The following ALDH1L1 variants were observed in gnomAD, a reference collection of about 807,000 sequenced individuals.
ALDH1L1 encodes the protein aldehyde dehydrogenase 1 family member L1.
Under a neutral mutation model 101.1 loss-of-function variants are expected in ALDH1L1, and 68 were observed. That is an observed-to-expected ratio of 0.67 (90% CI 0.55 to 0.82). The LOEUF is 0.82. Ranked by LOEUF, ALDH1L1 falls within the 40% of genes least tolerant of loss-of-function variation. The pLI, the probability that ALDH1L1 is intolerant of heterozygous loss-of-function variation, is 0.00. For synonymous variants in ALDH1L1, 486 were observed against 470.8 expected, an observed-to-expected ratio of 1.03 and a Z score of -0.42; for missense variants, 1,087 against 1,172.7, an observed-to-expected ratio of 0.93 and a Z score of 1.07.
At position 126,136,832 on chromosome 3, in the gene ALDH1L1, T is replaced by C. The variant is rs777835382; in HGVS notation, c.1276A>G (p.Ile426Val). Residue 426 changes from isoleucine to valine, a missense_variant, in exon 11 of 23, where the codon ATT (isoleucine) becomes GTT (valine). Ile to Val is a conservative substitution (Grantham distance 29). This residue lies in a region of ALDH1L1 where 645 missense variants were observed against 637.0 expected (regional missense o/e 1.01). Transcript: ENST00000393434. ...RTVRMPHQLF[I>V]GGEFVDAEGA... ...TCGGCATCCACGAACTCCCCCCCAA[T>C]GAAGAGCTGGTGGGGCATGCGGACA... 4 of 1,611,354 alleles carry C rather than the reference T, an allele frequency of 2.5e-6. No homozygotes were observed. The highest frequency in any genetic ancestry group is 3.4e-6 in the Non-Finnish European group (4 of 1,178,938).
Position 126,160,964 on chromosome 3 carries a change from T to C in ALDH1L1, c.16A>G (p.Ile6Val). MKIAV[I>V]GQSLFGQEVY... ...TCCTGGCCAAACAGGCTCTGTCCAA[T>C]CACTGCAATCTTCATGGTAGCAGGA... The change falls in exon 2 of 23, where the codon ATT becomes GTT. Residue 6 changes from isoleucine to valine, a missense_variant. Transcript: ENST00000393434. The C allele has an allele frequency of 6.2e-7, 1 of 1,614,186 alleles. No homozygotes were observed. The highest frequency in any genetic ancestry group is 1.1e-5 in the South Asian group (1 of 91,082).
chr3:126,105,475 C>T, intron 22 of ALDH1L1: 1 of 522,576 alleles, frequency 1.9e-6, no homozygotes, highest in African/African-American at 1.9e-5. Flanking sequence ...CAGAGAGGCC[C>T]CCAGTGCCTC....
upstream of ALDH1L1, chr3:126,180,878 G>A (rs2081464577): frequency 1.3e-6 from 2 of 1,578,616 alleles, no homozygotes; most frequent in Admixed American, 3.6e-5. Context: ...GCGCTGGCAA[G>A]GCTAAGTGGG....
intron 9 of ALDH1L1, among the ~76,000 whole-genome samples, chr3:126,139,074 G>A (rs554364651): frequency 1.3e-5 from 2 of 152,360 alleles, no homozygotes; most frequent in East Asian, 3.9e-4. Flanking sequence ...GCTTGCTGAA[G>A]CCAGGGTGGG....
intron 13 of ALDH1L1, 127 bp from the exon 14 acceptor site, chr3:126,130,420 T>C: frequency 1.3e-6 from 1 of 750,892 alleles, no homozygotes; most frequent in Admixed American, 4.0e-5. Context: ...GACCTGAGGC[T>C]TGAGAGACAG....
At chr3:126,130,108 G>T in intron 14 of ALDH1L1, 115 bp downstream of exon 14, 1 of 944,470 alleles carries the variant, frequency 1.1e-6, no homozygotes, top group Non-Finnish European at 1.5e-6. Context: ...CACATGGATG[G>T]CTGTTTGATA....
At chr3:126,123,786 A>C (rs563061480) in intron 16 of ALDH1L1, among the ~76,000 whole-genome samples, 14 of 152,260 alleles carry the variant, frequency 9.2e-5, no homozygotes, top group African/African-American at 3.4e-4. Flanking sequence ...ACAAACAAGC[A>C]ATAACTTTTC....
upstream of ALDH1L1, among the ~76,000 whole-genome samples, chr3:126,182,277 G>A (rs2081482701): frequency 6.6e-6 from 1 of 152,144 alleles, no homozygotes; most frequent in African/African-American, 2.4e-5. Flanking sequence ...CTCCTGAGTA[G>A]CTGGGATTAC....
At chr3:126,148,329 C>T (rs2080738579) in intron 8 of ALDH1L1, among the ~76,000 whole-genome samples, 1 of 152,228 alleles carries the variant, frequency 6.6e-6, no homozygotes, top group African/African-American at 2.4e-5. Flanking sequence ...TGGGCAGCAA[C>T]TGCCCAGCCT....
In ALDH1L1 at chr3:126,107,111, G is replaced by C. The variant is rs371591574; in HGVS notation, c.2453+30C>G. The C allele has an allele frequency of 1.9e-6, 3 of 1,588,140 alleles. No individual in the cohort carries two copies. In the African/African-American group the frequency reaches 4.0e-5, roughly 21 times the overall value. On this transcript the variant is annotated intron_variant, in intron 21 of 22. Transcript: ENST00000393434. ...CCAGTAACACGTGGGAGAGAGTCAG[G>C]GCCCTTGAGACATCAGCAGGATTCC...
In ALDH1L1 at chr3:126,146,387, G is replaced by A. The variant is rs75253637; in HGVS notation, c.1076+448C>T. ...CGCCCTTATGTGAGCCCAGCTGACA[G>A]CAGCTGAATCTGATGCAAATCAGCT... On this transcript the variant is annotated intron_variant, in intron 9 of 22. Coordinates refer to ENST00000393434, the MANE Select transcript of ALDH1L1 (RefSeq NM_012190.4). Among the ~76,000 whole-genome samples the A allele has an allele frequency of 3.2e-3, 482 of 152,300 alleles. 2 individuals are homozygous for A. Among genetic ancestry groups the A allele is most frequent in the African/African-American group, 0.011 (449 of 41,580 alleles).
intron 5 of ALDH1L1, 143 bp from the exon 6 acceptor site, chr3:126,154,786 T>A: frequency 1.4e-6 from 1 of 694,766 alleles, no homozygotes; most frequent in Non-Finnish European, 2.5e-6. Context: ...GTCCCTGAGC[T>A]GGTGCCCCTA....
At chr3:126,110,222 C>G in intron 19 of ALDH1L1, 113 bp from the exon 20 acceptor site, 1 of 1,379,432 alleles carries the variant, frequency 7.2e-7, no homozygotes, top group South Asian at 1.3e-5. Context: ...ACACTCTGTT[C>G]TAGCCTCAGG....
In ALDH1L1 at chr3:126,105,826, G is replaced by C; in HGVS notation, c.2553C>G (p.Asp851Glu). The C allele has an allele frequency of 6.2e-7, 1 of 1,614,242 alleles. No individual in the cohort carries two copies. Among genetic ancestry groups the C allele is most frequent in the Non-Finnish European group, 8.5e-7 (1 of 1,180,050 alleles). ...CAAACACAGTGCCTGCCTGGAGCTT[G>C]TCACTGACATACAGGGCCTTGTTGA... ...RDINKALYVS[D>E]KLQAGTVFVN... The change falls in exon 22 of 23, where the codon GAC (aspartate) becomes GAG (glutamate). Residue 851 changes from aspartate (D) to glutamate (E), a missense_variant. Around this residue, in one of 2 missense-constraint regions of ALDH1L1, gnomAD observed 442 missense variants for 535.7 expected, o/e 0.83. Coordinates refer to ENST00000393434, the MANE Select transcript of ALDH1L1 (RefSeq NM_012190.4).
rs35495705 is a variant in ALDH1L1 at position 126,143,772 on chromosome 3, G to T, written c.1076+3063C>A. Among the ~76,000 whole-genome samples, 1,282 of 152,114 alleles carry T rather than the reference G, an allele frequency of 8.4e-3. 8 individuals are homozygous for T. The highest frequency in any genetic ancestry group is 0.013 in the Non-Finnish European group (867 of 67,942). ...AGCCCGGGCAACATAGCAAGACTTTGTCTGTAAAAAAAATTGTTTTAAGTT... is the reference window on the plus strand; with the variant it reads ...AGCCCGGGCAACATAGCAAGACTTTTTCTGTAAAAAAAATTGTTTTAAGTT... On this transcript the variant is annotated intron_variant, in intron 9 of 22. Transcript: ENST00000393434.
chr3:126,132,666 AC>A (rs1304344040), intron 12 of ALDH1L1, among the ~76,000 whole-genome samples: 1 of 152,196 alleles, frequency 6.6e-6, no homozygotes, highest in Admixed American at 6.5e-5. Flanking sequence ...TGGGAAGCCG[AC>A]CCAAATCCCC....
At chr3:126,177,645 T>A (rs2081387921) in intron 1 of ALDH1L1, among the ~76,000 whole-genome samples, 1 of 152,214 alleles carries the variant, frequency 6.6e-6, no homozygotes, top group Non-Finnish European at 1.5e-5. Flanking sequence ...CTCATCATTA[T>A]ATGTTTGTCC....
In ALDH1L1 at chr3:126,141,880, GA is replaced by G. The variant is rs200857828; in HGVS notation, c.1077-3921del. 1.1e-3 allele frequency among the ~76,000 whole-genome samples: 162 copies of G among 148,738 alleles called. 2 individuals are homozygous for G. Among genetic ancestry groups the G allele is most frequent in the Admixed American group, 8.9e-3 (133 of 14,954 alleles). ...ACAGAGATAAATGAAATAGAGACCA[GA>G]AAAAAAAACAGCAAATCAACAAAAT... On this transcript the variant is annotated intron_variant, in intron 9 of 22. Coordinates refer to ENST00000393434, the MANE Select transcript of ALDH1L1 (RefSeq NM_012190.4).
chr3:126,180,870 G>A (rs559186500), upstream of ALDH1L1: 688 of 1,568,832 alleles, frequency 4.4e-4, 1 homozygote, highest in Non-Finnish European at 5.6e-4. Context: ...AGTTCTGAGC[G>A]CTGGCAAGGC....
Sources: gnomAD v4.1 joint callset for allele counts (sites outside exome capture counted in the v4.1 genomes callset) on GRCh38, gnomAD v4.1.1 for gene constraint, gnomAD v4.1.1 regional missense constraint, MANE v1.5 for transcripts, NCBI Gene and HGNC (gene_info 2026-07-23, HGNC 2026-07-21) for gene names.